Variants in SORBS2 observed in about 807,000 individuals in gnomAD.
SORBS2 encodes the protein sorbin and SH3 domain-containing protein 2.
Under a neutral mutation model 97.7 loss-of-function variants are expected in SORBS2, and 46 were observed. The ratio of observed to expected loss-of-function variants is 0.47; its 90% CI spans 0.37 to 0.60. SORBS2 has a LOEUF of 0.60. Among genes scored for constraint, SORBS2 ranks in the 20% least tolerant of loss-of-function variants. SORBS2 has a pLI of 0.00. For missense variants in SORBS2, 1,316 were observed against 1,282.3 expected (o/e 1.03, Z -0.40); for synonymous variants, 476 against 473.4 (o/e 1.01, Z -0.07).
intron 1 of SORBS2, among the ~76,000 whole-genome samples, chr4:185,879,176 C>CCCCA (rs1491475757): frequency 0.02 from 1,733 of 84,818 alleles, 137 homozygotes; most frequent in African/African-American, 0.049. Context: ...CCCCCCCCCC[C>CCCCA]ACCCCACGAC....
At chr4:185,700,527 A>G (rs902225866) in intron 2 of SORBS2, among the ~76,000 whole-genome samples, 14 of 152,178 alleles carry the variant, frequency 9.2e-5, no homozygotes, top group African/African-American at 3.4e-4. Flanking sequence ...AATATACCAA[A>G]TTTATGCTTT....
intron 1 of SORBS2, among the ~76,000 whole-genome samples, chr4:185,861,999 T>C (rs1450851834): frequency 6.6e-6 from 1 of 152,206 alleles, no homozygotes; most frequent in Non-Finnish European, 1.5e-5. Flanking sequence ...GGATGAGAGA[T>C]GACGGTGGCA....
intron 4 of SORBS2, among the ~76,000 whole-genome samples, chr4:185,643,935 C>T (rs1268495944): frequency 6.6e-6 from 1 of 152,192 alleles, no homozygotes; most frequent in Non-Finnish European, 1.5e-5. Context: ...GTATTTTCAA[C>T]ACTTCAGAAT....
At chr4:185,847,480 A>G (rs1254543971) in intron 1 of SORBS2, among the ~76,000 whole-genome samples, 1 of 152,152 alleles carries the variant, frequency 6.6e-6, no homozygotes, top group Non-Finnish European at 1.5e-5. Context: ...ATTATAGCTC[A>G]GAATCCATCC....
intron 1 of SORBS2, among the ~76,000 whole-genome samples, chr4:185,887,200 G>T (rs955661047): frequency 2.0e-5 from 3 of 152,200 alleles, no homozygotes; most frequent in African/African-American, 7.2e-5. Flanking sequence ...CTACATAGGC[G>T]CTCACAGTTC....
In SORBS2 at chr4:185,620,253, T is replaced by C. The variant is rs146146865; in HGVS notation, c.2216-102A>G. ...TGGCCACTACTTTTTTCCCCAAATT[T>C]GGAGAGACACCGTTATCGAACACAT... On this transcript the variant is annotated intron_variant, in intron 7 of 14. Transcript: ENST00000418609. The C allele has an allele frequency of 1.7e-3, 1,359 of 776,680 alleles. 7 individuals carry two copies. Among genetic ancestry groups the C allele is most frequent in the African/African-American group, 0.013 (758 of 58,490 alleles). The allele number at this position is 776,680 out of a possible 1,614,324, so 48.1% of individuals were successfully genotyped here. A position where few individuals can be genotyped will look rare whatever the true frequency, so the allele number is the denominator to read the frequency against.
intron 2 of SORBS2, among the ~76,000 whole-genome samples, chr4:185,735,965 G>A (rs1255139867): frequency 1.3e-5 from 2 of 152,166 alleles, no homozygotes; most frequent in African/African-American, 4.8e-5. Context: ...TCTTTTCCAA[G>A]TTCTTATATC....
rs185318605 is a variant in SORBS2, at chr4:185,678,223, C to T, written c.-46+200G>A. On this transcript the variant is annotated intron_variant, in intron 4 of 20. Transcript: ENST00000284776. ...ATACTTTGATAAGCTTAATCAGAAA[C>T]AAAACCAAACCAAACCCTTGTTTGT... Among the ~76,000 whole-genome samples the T allele has an allele frequency of 3.7e-3, 569 of 152,278 alleles. 3 individuals carry two copies. The highest frequency in any genetic ancestry group is 0.013 in the African/African-American group (525 of 41,562).
intron 1 of SORBS2, among the ~76,000 whole-genome samples, chr4:185,915,219 G>A (rs2149896684): frequency 6.6e-6 from 1 of 152,314 alleles, no homozygotes; most frequent in East Asian, 1.9e-4. Flanking sequence ...TTAATAAAGA[G>A]ACCCGAATGG....
chr4:185,589,618 G>A (rs2095873222), intron 14 of SORBS2, 61 bp downstream of exon 26: 2 of 904,316 alleles, frequency 2.2e-6, no homozygotes, highest in South Asian at 1.4e-5. Context: ...AACCACGGGA[G>A]TGAGCAAACT....
chr4:185,917,956 A>G (rs1362059717), intron 1 of SORBS2, among the ~76,000 whole-genome samples: 6 of 152,214 alleles, frequency 3.9e-5, no homozygotes. Context: ...CAAGACTTCC[A>G]TGTATTATGA....
rs73030045 is a variant in SORBS2, at chr4:185,649,717, A to G, written c.92-61T>C. On this transcript the variant is annotated intron_variant, in intron 2 of 14. Coordinates refer to ENST00000418609, the Ensembl canonical transcript of SORBS2. ...GAAGCAAATCACCTCTTAAAAATGAATTAAATTATTTGTCCCCCTCAAAAT... is the reference window on the plus strand; with the variant it reads ...GAAGCAAATCACCTCTTAAAAATGAGTTAAATTATTTGTCCCCCTCAAAAT... 7.6e-3 allele frequency: 8,467 copies of G among 1,121,438 alleles called. 454 individuals are homozygous for G. The African/African-American group carries it at 0.12, about 16-fold the overall frequency. 69.5% of individuals were successfully genotyped at this position (1,121,438 alleles called of 1,614,324 possible).
At chr4:185,651,191 G>A (rs1230778168) in intron 2 of SORBS2, among the ~76,000 whole-genome samples, 5 of 152,158 alleles carry the variant, frequency 3.3e-5, no homozygotes, top group South Asian at 2.1e-4. Context: ...ATTTGTCAGG[G>A]GTCCCTCCTT....
At chr4:185,931,917 AGT>A (rs1257177245) in intron 1 of SORBS2, among the ~76,000 whole-genome samples, 1 of 151,890 alleles carries the variant, frequency 6.6e-6, no homozygotes, top group Admixed American at 6.6e-5. Context: ...AGTGAGTAAA[AGT>A]GTGTGGAAAA....
At chr4:185,707,784 T>A (rs564494908) in intron 2 of SORBS2, among the ~76,000 whole-genome samples, 12 of 152,106 alleles carry the variant, frequency 7.9e-5, no homozygotes, top group African/African-American at 2.9e-4. Context: ...GCAGGGGAAT[T>A]CCCATTTATA....
At chr4:185,724,833 T>C (rs1026955006) in intron 2 of SORBS2, among the ~76,000 whole-genome samples, 20 of 152,218 alleles carry the variant, frequency 1.3e-4, no homozygotes, top group Non-Finnish European at 2.4e-4. Flanking sequence ...ATTTTCCTTT[T>C]CCTGAGTTGA....
chr4:185,592,180 T>C (rs1261177983), intron 13 of SORBS2: 2 of 152,596 alleles, frequency 1.3e-5, no homozygotes, highest in Non-Finnish European at 2.9e-5. Context: ...TGCAACTTTT[T>C]CTAGAACATA....
At chr4:185,687,368 T>C (rs1405045584) in intron 2 of SORBS2, among the ~76,000 whole-genome samples, 1 of 152,196 alleles carries the variant, frequency 6.6e-6, no homozygotes, top group African/African-American at 2.4e-5. Context: ...AGAGTGGTCA[T>C]GTACAATCGA....
rs1222438008 is a variant in SORBS2, at chr4:185,665,656, C to T, written c.-45-3414G>A. The T allele has an allele frequency of 4.4e-6, 3 of 681,722 alleles. No homozygotes were observed. In the African/African-American group the frequency reaches 5.8e-5, roughly 13 times the overall value. 42.2% of individuals were successfully genotyped at this position (681,722 alleles called of 1,614,324 possible). On this transcript the variant is annotated intron_variant, in intron 4 of 20. Coordinates refer to the SORBS2 transcript ENST00000284776. The stretch of plus-strand genomic sequence containing the variant: ...TCAACACCTATGTAAATAAAAATGT[C>T]AGCCGAAAAATGAGATGGCACAACA...
Sources: allele counts gnomAD v4.1 joint callset (sites outside exome capture counted in the v4.1 genomes callset), GRCh38; gene constraint gnomAD v4.1.1; transcripts MANE v1.5; gene names NCBI Gene and HGNC (gene_info 2026-07-23, HGNC 2026-07-21).